Variants in PEMT observed in about 807,000 individuals in gnomAD.
The protein encoded by PEMT is phosphatidylethanolamine N-methyltransferase, also known as phospholipid methyltransferase.
A neutral mutation model predicts 27.4 loss-of-function variants in PEMT; 23 were observed. The observed-to-expected ratio is 0.84, with a 90% confidence interval of 0.60 to 1.19. The LOEUF (loss-of-function observed/expected upper bound fraction) is 1.19, where lower values mean the gene tolerates loss of function less well. PEMT is among the 50% of genes most tolerant of loss of function. PEMT has a pLI of 0.00. For synonymous variants in PEMT, 137 were observed against 139.1 expected (o/e 0.98, Z 0.11); for missense variants, 307 against 310.1 (o/e 0.99, Z 0.07).
At position 17,513,133 on chromosome 17, in the gene PEMT, G is replaced by T. The variant is rs373895729; in HGVS notation, c.321-479C>A. Among the ~76,000 whole-genome samples, 3 of 152,212 alleles carry T rather than the reference G, an allele frequency of 2.0e-5. No homozygotes were observed. The highest frequency in any genetic ancestry group is 7.2e-5 in the African/African-American group (3 of 41,454). ...AACAGACTCAGTGCCCCGAGGCCTG[G>T]GGCATGCTCTGTGCTAGGGATTGCG... On this transcript the variant is annotated intron_variant, in intron 3 of 6. Transcript: ENST00000255389. This position sits in a 1 kb window ranked among gnomAD's most constrained non-coding sequence, Gnocchi z 4.1.
chr17:17,518,930 A>T (rs1567673848), intron 3 of PEMT: 1 of 152,242 alleles, frequency 6.6e-6, no homozygotes, highest in Non-Finnish European at 1.5e-5. Context: ...GCTGCACAAC[A>T]TCGGGAAGCT....
chr17:17,542,917 T>C (rs1349247695), intron 2 of PEMT, among the ~76,000 whole-genome samples: 2 of 152,206 alleles, frequency 1.3e-5, no homozygotes, highest in African/African-American at 4.8e-5. Flanking sequence ...TCCTGCACAC[T>C]GCCGGGTCTA....
chr17:17,591,599 CG>C lies in PEMT; in HGVS notation c.27del (p.Glu10ArgfsTer2). On this transcript the variant is annotated frameshift_variant, in exon 1 of 7. Transcript: ENST00000255389. LOFTEE classifies it high-confidence loss of function. Reference sequence around the variant, plus strand: ...CCTGCCACCGAGCTGTTCGTTACCTCGGCTCCCGGGTTCCCAGATCTCTTCA... The same window carrying C: ...CCTGCCACCGAGCTGTTCGTTACCTCGCTCCCGGGTTCCCAGATCTCTTCA... MKRSGNPG[A>X]EVTNSSVAGP... 6.2e-7 allele frequency: 1 copy of C among 1,613,398 alleles called. No individual in the cohort carries two copies. The highest frequency in any genetic ancestry group is 2.2e-5 in the East Asian group (1 of 44,854).
chr17:17,522,317 C>A lies in PEMT; in HGVS notation c.283G>T (p.Val95Phe), dbSNP rs897453. 11 of 1,613,482 alleles carry A rather than the reference C, an allele frequency of 6.8e-6. No homozygotes were observed. Among genetic ancestry groups the A allele is most frequent in the Admixed American group, 3.3e-5 (2 of 59,988 alleles). The change falls in exon 3 of 7, where the codon GTC becomes TTC. Residue 95 changes from valine to phenylalanine, a missense_variant. Val to Phe is a conservative substitution (Grantham distance 50). Transcript: ENST00000255389. ...SPYLACYSLS[V>F]TILLLNFLRS... ...AGGAAGTTCAGGAGCAGGATGGTGA[C>A]GCTTAGAGAGTAGCAGGCCAGGTAG...
intron 2 of PEMT, among the ~76,000 whole-genome samples, chr17:17,545,371 C>T (rs1909186471): frequency 6.6e-6 from 1 of 152,220 alleles, no homozygotes; most frequent in Non-Finnish European, 1.5e-5. Flanking sequence ...GTTGCATGCT[C>T]CTCACAGTGT....
At chr17:17,586,248 G>GAAAGAAAC (rs1912269141) in intron 1 of PEMT, among the ~76,000 whole-genome samples, 1 of 95,964 alleles carries the variant, frequency 1.0e-5, no homozygotes, top group African/African-American at 4.7e-5. Context: ...AAGAAAGAAA[G>GAAAGAAAC]AAAGAAAGAA....
chr17:17,543,566 T>G (rs1033574232), intron 2 of PEMT, among the ~76,000 whole-genome samples: 1 of 151,662 alleles, frequency 6.6e-6, no homozygotes, highest in Non-Finnish European at 1.5e-5. Context: ...ATCCAGCTTG[T>G]GCTTTTTTTT....
rs1291793998 is a variant in PEMT, at chr17:17,540,840, G to A, written c.205-18445C>T. ...ATCACTGGCGAGTGAATGGGCTCCC[G>A]AGTGCTCCCCTGTGAGCACCTCAAG... On this transcript the variant is annotated intron_variant, in intron 2 of 6. Coordinates refer to ENST00000255389, the MANE Select transcript of PEMT (RefSeq NM_148172.3). Among the ~76,000 whole-genome samples, 10 of 152,108 alleles carry A rather than the reference G, an allele frequency of 6.6e-5. No homozygotes were observed. In the East Asian group the frequency reaches 1.9e-3, roughly 29 times the overall value.
At chr17:17,539,957 C>T (rs1019672902) in intron 2 of PEMT, among the ~76,000 whole-genome samples, 1 of 152,166 alleles carries the variant, frequency 6.6e-6, no homozygotes, top group Non-Finnish European at 1.5e-5. Context: ...AGCCTCCACG[C>T]AGGAGGCTCG....
intron 1 of PEMT, among the ~76,000 whole-genome samples, chr17:17,578,230 C>T (rs1597961778): frequency 6.6e-6 from 1 of 150,484 alleles, no homozygotes; most frequent in Admixed American, 6.6e-5. Flanking sequence ...AATGCAGTGG[C>T]GCGTTCATAG....
intron 2 of PEMT, among the ~76,000 whole-genome samples, chr17:17,566,052 G>C (rs1023552271): frequency 6.6e-6 from 1 of 152,220 alleles, no homozygotes; most frequent in Non-Finnish European, 1.5e-5. Context: ...TCAAGGGAAG[G>C]GTTTTGTTTT....
In PEMT at chr17:17,523,562, TC is replaced by T. The variant is rs1275449278; in HGVS notation, c.205-1168del. ...AGTGAAGGAGGTAGCTCCCGGGCCT[TC>T]CCCTCAACCAGCTGTTGGCACTGCA... On this transcript the variant is annotated intron_variant, in intron 2 of 6. Transcript: ENST00000255389. This position sits in a 1 kb window ranked among gnomAD's most constrained non-coding sequence, Gnocchi z 4.8. 6.6e-6 allele frequency among the ~76,000 whole-genome samples: 1 copy of T among 152,014 alleles called. No homozygotes were observed. Among genetic ancestry groups the T allele is most frequent in the Non-Finnish European group, 1.5e-5 (1 of 67,994 alleles).
At chr17:17,558,865 C>T (rs897832245) in intron 2 of PEMT, among the ~76,000 whole-genome samples, 2 of 152,068 alleles carry the variant, frequency 1.3e-5, no homozygotes, top group Non-Finnish European at 2.9e-5. Context: ...GGAAGCACCA[C>T]TCCAAGGTCA....
At chr17:17,548,832 G>A (rs1212920373) in intron 2 of PEMT, among the ~76,000 whole-genome samples, 5 of 152,038 alleles carry the variant, frequency 3.3e-5, no homozygotes, top group Non-Finnish European at 5.9e-5. Context: ...GGCGTGAGCC[G>A]CCGAGTCCGG....
At chr17:17,529,943 C>T (rs892405880) in intron 2 of PEMT, among the ~76,000 whole-genome samples, 2 of 152,160 alleles carry the variant, frequency 1.3e-5, no homozygotes, top group Non-Finnish European at 2.9e-5. Context: ...CTATCTATTG[C>T]TATGGTGTAA....
chr17:17,519,940 G>C (rs138076718), intron 3 of PEMT, among the ~76,000 whole-genome samples: 1 of 152,224 alleles, frequency 6.6e-6, no homozygotes, highest in Non-Finnish European at 1.5e-5. Context: ...ATCTGTGTGC[G>C]CTGTGGGCTG....
At chr17:17,560,055 G>A (rs909286358) in intron 2 of PEMT, among the ~76,000 whole-genome samples, 5 of 151,730 alleles carry the variant, frequency 3.3e-5, no homozygotes, top group Admixed American at 3.3e-4. Flanking sequence ...GCCACGGCCT[G>A]ACCTGGCCAG....
intron 5 of PEMT, chr17:17,507,554 C>T: frequency 3.4e-6 from 1 of 291,900 alleles, no homozygotes; most frequent in Non-Finnish European, 6.5e-6. Flanking sequence ...TGGCAACCAG[C>T]AGCGACCCCA....
chr17:17,570,604 T>C, intron 2 of PEMT: 2 of 985,326 alleles, frequency 2.0e-6, no homozygotes, highest in Non-Finnish European at 2.4e-6. Context: ...GTGGGCAGCC[T>C]TGCACAAGAG....
Sources: allele counts gnomAD v4.1 joint callset (sites outside exome capture counted in the v4.1 genomes callset), GRCh38; gene constraint gnomAD v4.1.1; non-coding constraint Gnocchi (gnomAD v3.1); transcripts MANE v1.5; gene names NCBI Gene and HGNC (gene_info 2026-07-23, HGNC 2026-07-21).